Variants in NDRG4 observed in about 807,000 individuals in gnomAD.
NDRG4 encodes protein NDRG4.
NDRG4 carries 38 observed loss-of-function variants against 55.8 expected under a neutral mutation model. The observed-to-expected ratio is 0.68, with a 90% CI of 0.53 to 0.89. The LOEUF (loss-of-function observed/expected upper bound fraction) is 0.89, where lower values mean the gene tolerates loss of function less well. Among genes scored for constraint, NDRG4 ranks in the 40% least tolerant of loss-of-function variants. The pLI, the probability that NDRG4 is intolerant of heterozygous loss-of-function variation, is 0.00. For missense variants in NDRG4, 455 were observed against 468.6 expected (o/e 0.97, Z 0.27); for synonymous variants, 190 against 182.7 (o/e 1.04, Z -0.32).
At chr16:58,514,676 A>G (rs1334430558), downstream of NDRG4, among the ~76,000 whole-genome samples, 1 of 133,418 alleles carries the variant, frequency 7.5e-6, no homozygotes, top group East Asian at 2.4e-4. Flanking sequence ...CGGGAGGTGG[A>G]GGTTGCAGTG....
chr16:58,504,100 C>T (rs2037526572), intron 2 of NDRG4, 54 bp from the exon 3 acceptor site: 1 of 1,607,860 alleles, frequency 6.2e-7, no homozygotes, highest in Admixed American at 1.7e-5. Context: ...GCCCGGCCTT[C>T]CTTCCAGTCC....
intron 1 of NDRG4, among the ~76,000 whole-genome samples, chr16:58,477,420 A>G (rs1404587527): frequency 6.6e-6 from 1 of 152,206 alleles, no homozygotes; most frequent in Non-Finnish European, 1.5e-5. Flanking sequence ...AACTCAAAAA[A>G]TAATGGGTAC....
chr16:58,482,486 T>C (rs1235376053), intron 1 of NDRG4, among the ~76,000 whole-genome samples: 5 of 151,988 alleles, frequency 3.3e-5, no homozygotes, highest in African/African-American at 1.2e-4. Flanking sequence ...GAGTGGGGAG[T>C]GATCCTTCAT....
At chr16:58,467,764 C>T (rs2031973899) in intron 1 of NDRG4, among the ~76,000 whole-genome samples, 1 of 152,176 alleles carries the variant, frequency 6.6e-6, no homozygotes, top group Admixed American at 6.5e-5. Flanking sequence ...GCCTACCTGG[C>T]TGGGATCTTT....
chr16:58,493,258 GGTTT>G (rs1442335198), intron 2 of NDRG4, among the ~76,000 whole-genome samples: 6 of 152,068 alleles, frequency 3.9e-5, no homozygotes, highest in Middle Eastern at 3.2e-3. Flanking sequence ...AGTCATCCGT[GGTTT>G]GTTTTTGTTT....
intron 8 of NDRG4, 156 bp from the exon 9 acceptor site, chr16:58,507,652 G>A: frequency 1.4e-6 from 1 of 696,454 alleles, no homozygotes; most frequent in Non-Finnish European, 2.4e-6. Flanking sequence ...TATGTGCTAG[G>A]GAGTCCAAAA....
At chr16:58,492,000 T>C (rs2035840932) in intron 2 of NDRG4, among the ~76,000 whole-genome samples, 1 of 152,136 alleles carries the variant, frequency 6.6e-6, no homozygotes, top group Non-Finnish European at 1.5e-5. Flanking sequence ...CAGGCTGGTC[T>C]CGAACTCCTG....
intron 1 of NDRG4, chr16:58,501,002 C>T (rs534438730): frequency 3.2e-5 from 40 of 1,244,960 alleles, no homozygotes; most frequent in Non-Finnish European, 3.8e-5. Flanking sequence ...GGGAAGGCAA[C>T]GCTGGAGCCG....
chr16:58,507,289 C>G, intron 8 of NDRG4: 2 of 501,806 alleles, frequency 4.0e-6, no homozygotes, highest in Non-Finnish European at 7.2e-6. Context: ...AGTGACATCC[C>G]TGACTCCAGT....
At chr16:58,500,970 G>A (rs895847752) in intron 1 of NDRG4, 22 of 1,239,974 alleles carry the variant, frequency 1.8e-5, no homozygotes, top group African/African-American at 6.2e-5. Context: ...GGGGTTGCCT[G>A]CCTGCCTTAT....
intron 1 of NDRG4, among the ~76,000 whole-genome samples, chr16:58,477,161 GAT>G (rs370447012): frequency 1.2e-3 from 182 of 147,808 alleles, no homozygotes; most frequent in African/African-American, 2.5e-3. Flanking sequence ...ATATATATGT[GAT>G]ATATATATAT....
Position 58,467,506 on chromosome 16 carries a change from CA to C in NDRG4, c.-24+3721del, listed in dbSNP as rs891246188. ...TACGCAACAGAGCAAGACTCTGTCT[CA>C]AAAAAAAAAAATTGATTTAGTTCTG... On this transcript the variant is annotated intron_variant, in intron 1 of 15. Coordinates refer to the NDRG4 transcript ENST00000258187. Among the ~76,000 whole-genome samples, 394 of 145,426 alleles carry C rather than the reference CA, an allele frequency of 2.7e-3. 3 individuals carry two copies. The highest frequency in any genetic ancestry group is 8.5e-3 in the African/African-American group (340 of 39,858).
chr16:58,511,669 A>T lies in NDRG4; in HGVS notation c.*93A>T, dbSNP rs1006480678. The T allele has an allele frequency of 3.4e-6, 5 of 1,486,954 alleles. No homozygotes were observed. Among genetic ancestry groups the T allele is most frequent in the Non-Finnish European group, 3.7e-6 (4 of 1,067,024 alleles). The allele number at this position is 1,486,954 out of a possible 1,614,324, so 92.1% of individuals were successfully genotyped here. ...CCTTTAGTTTATTTTTGTGAGGGCAAAGGGGAGGAAATGGGGTTCTGTTTG... is the reference window on the plus strand; with the variant it reads ...CCTTTAGTTTATTTTTGTGAGGGCATAGGGGAGGAAATGGGGTTCTGTTTG... On this transcript the variant is annotated 3_prime_UTR_variant, in exon 15 of 15. Transcript: ENST00000570248.
chr16:58,509,958 A>C (rs890284283), intron 13 of NDRG4, among the ~76,000 whole-genome samples: 2 of 152,102 alleles, frequency 1.3e-5, no homozygotes, highest in African/African-American at 4.8e-5. Flanking sequence ...ACACACACAC[A>C]CAACACACCC....
Position 58,474,073 on chromosome 16 carries a change from G to C in NDRG4, c.-24+10276G>C, listed in dbSNP as rs1271117819. 8.7e-5 allele frequency among the ~76,000 whole-genome samples: 9 copies of C among 103,166 alleles called. No individual in the cohort carries two copies. The Admixed American group carries it at 1.3e-3, about 14-fold the overall frequency. 67.7% of individuals were successfully genotyped at this position (103,166 alleles called of 152,430 possible). A position where few individuals can be genotyped will look rare whatever the true frequency, so the allele number is the denominator to read the frequency against. The stretch of plus-strand genomic sequence containing the variant: ...TTTTTTTGAGAGAGAATCTCTCTCT[G>C]TTACCCAGGCTGGAGTCCAGTGGCG... On this transcript the variant is annotated intron_variant, in intron 1 of 15. Coordinates refer to the NDRG4 transcript ENST00000258187.
In NDRG4 at chr16:58,481,025, AGAT is replaced by A. The variant is rs1433994708; in HGVS notation, c.-23-6727_-23-6725del. Among the ~76,000 whole-genome samples, 11 of 151,166 alleles carry A rather than the reference AGAT, an allele frequency of 7.3e-5. 1 individual carries two copies. Among genetic ancestry groups the A allele is most frequent in the Non-Finnish European group, 1.6e-4 (11 of 67,788 alleles). ...CTCTGTCTTAAAAAAAAAAAAAAAA[AGAT>A]GATAGAGTCCACACATGAGCATATG... On this transcript the variant is annotated intron_variant, in intron 1 of 15. Transcript: ENST00000258187.
chr16:58,501,921 G>A, intron 1 of NDRG4: 1 of 450,268 alleles, frequency 2.2e-6, no homozygotes, highest in Non-Finnish European at 4.5e-6. Flanking sequence ...TCTGACCCCA[G>A]GAGGATAACT....
At chr16:58,468,581 C>T (rs1280088136) in intron 1 of NDRG4, among the ~76,000 whole-genome samples, 2 of 152,140 alleles carry the variant, frequency 1.3e-5, no homozygotes, top group East Asian at 3.8e-4. Flanking sequence ...ATGAACCGGG[C>T]TTGGTGGTGT....
At chr16:58,478,546 G>C (rs2033990677) in intron 1 of NDRG4, among the ~76,000 whole-genome samples, 1 of 152,098 alleles carries the variant, frequency 6.6e-6, no homozygotes, top group African/African-American at 2.4e-5. Flanking sequence ...TAAAATATAT[G>C]TACGTTCTGT....
Sources: allele counts gnomAD v4.1 joint callset (sites outside exome capture counted in the v4.1 genomes callset), GRCh38; gene constraint gnomAD v4.1.1; transcripts MANE v1.5; gene names NCBI Gene and HGNC (gene_info 2026-07-23, HGNC 2026-07-21).